The following FMN2 variants were observed in gnomAD, a reference collection of about 807,000 sequenced individuals.
FMN2 encodes the protein formin 2.
Under a neutral mutation model 142.3 loss-of-function variants are expected in FMN2, and 51 were observed. That is an observed-to-expected ratio of 0.36 (90% CI 0.29 to 0.45). The LOEUF (loss-of-function observed/expected upper bound fraction) is 0.45. FMN2 is among the 20% of genes least tolerant of loss of function. FMN2 has a pLI of 1.00. For missense variants in FMN2, 1,936 were observed against 2,122.8 expected, an observed-to-expected ratio of 0.91 and a Z score of 1.73; for synonymous variants, 882 against 869.8, an observed-to-expected ratio of 1.01 and a Z score of -0.25.
intron 3 of FMN2, among the ~76,000 whole-genome samples, chr1:240,184,609 G>C (rs7528191): frequency 2.0e-5 from 3 of 150,162 alleles, no homozygotes; most frequent in African/African-American, 7.4e-5. Flanking sequence ...ACCCTTGAGA[G>C]CTCTCTCACC....
chr1:240,177,649 C>G (rs1301340767), intron 2 of FMN2, among the ~76,000 whole-genome samples: 1 of 152,090 alleles, frequency 6.6e-6, no homozygotes, highest in African/African-American at 2.4e-5. Flanking sequence ...TGCAGGGCTA[C>G]ATAGCATCTC....
chr1:240,257,118 A>G (rs1207246988), intron 6 of FMN2, among the ~76,000 whole-genome samples: 1 of 152,154 alleles, frequency 6.6e-6, no homozygotes, highest in African/African-American at 2.4e-5. Flanking sequence ...GCTGCCCCTC[A>G]CACGATCAGG....
In FMN2 at chr1:240,104,946, A is replaced by G. The variant is rs374570741; in HGVS notation, c.1615+11222A>G. 3.2e-4 allele frequency among the ~76,000 whole-genome samples: 49 copies of G among 152,258 alleles called. No homozygotes were observed. In the East Asian group the frequency reaches 6.8e-3, roughly 21 times the overall value. The stretch of plus-strand genomic sequence containing the variant: ...TCCTGTACTTCTCGGCCACCAGAGA[A>G]AACAGTCTGATGAATATTTCCATAC... On this transcript the variant is annotated intron_variant, in intron 1 of 17. Coordinates refer to ENST00000319653, the MANE Select transcript of FMN2 (RefSeq NM_020066.5).
At chr1:240,437,487 A>G (rs927241777) in intron 15 of FMN2, among the ~76,000 whole-genome samples, 1 of 151,724 alleles carries the variant, frequency 6.6e-6, no homozygotes, top group Non-Finnish European at 1.5e-5. Flanking sequence ...TAATTTTAGT[A>G]GAGACAGGGT....
At chr1:240,224,084 A>G (rs539081845) in intron 6 of FMN2, among the ~76,000 whole-genome samples, 202 of 152,046 alleles carry the variant, frequency 1.3e-3, no homozygotes, top group Middle Eastern at 3.4e-3. Flanking sequence ...TAGAGTGTTG[A>G]TTTTAGATCT....
At chr1:240,215,297 T>G (rs1666853350) in intron 6 of FMN2, among the ~76,000 whole-genome samples, 1 of 152,214 alleles carries the variant, frequency 6.6e-6, no homozygotes, top group Admixed American at 6.5e-5. Flanking sequence ...CATGTACCAG[T>G]TACTGTTCTT....
rs187475852 is a variant in FMN2 at position 240,385,846 on chromosome 1, A to C, written c.4859-6665A>C. ...TGAGTTTTTAATAACTAGCCCCCAT[A>C]TGTTTATATACACCTATATTTCTAG... On this transcript the variant is annotated intron_variant, in intron 14 of 17. Transcript: ENST00000319653. 1.2e-3 allele frequency among the ~76,000 whole-genome samples: 186 copies of C among 152,164 alleles called. 1 individual carries two copies. Among genetic ancestry groups the C allele is most frequent in the Middle Eastern group, 3.4e-3 (1 of 294 alleles).
At position 240,208,521 on chromosome 1, in the gene FMN2, C is replaced by G. The variant is rs111521184; in HGVS notation, c.3709C>G (p.Leu1237Val). ...TGGGACAGGAATCCCACCGCCCCCT[C>G]TGCTTCCTGTATCAGGCCCTCCACT... ...PPGTGIPPPP[L>V]LPVSGPPLLP... The change falls in exon 5 of 18, where the codon CTG becomes GTG. Residue 1237 changes from leucine (L) to valine (V), a missense_variant. Physicochemically the swap from Leu to Val is conservative, Grantham distance 32. Transcript: ENST00000319653. The G allele has an allele frequency of 9.6e-4, 1,556 of 1,612,970 alleles. 13 individuals are homozygous for G. The African/African-American group carries it at 0.019, about 20-fold the overall frequency.
chr1:240,289,901 A>T (rs771539894), intron 7 of FMN2, among the ~76,000 whole-genome samples: 31 of 152,210 alleles, frequency 2.0e-4, no homozygotes, highest in Non-Finnish European at 3.8e-4. Flanking sequence ...GTAAACATTC[A>T]TACAGATAGA....
chr1:240,449,963 A>ATAT (rs927838146), intron 16 of FMN2, among the ~76,000 whole-genome samples: 1 of 152,028 alleles, frequency 6.6e-6, no homozygotes, highest in Non-Finnish European at 1.5e-5. Flanking sequence ...TGTACAATAC[A>ATAT]TATTATTATT....
intron 4 of FMN2, among the ~76,000 whole-genome samples, chr1:240,195,858 T>A (rs937500672): frequency 1.3e-5 from 2 of 151,728 alleles, no homozygotes. Flanking sequence ...TCTCTACCAA[T>A]AATAATAAAA....
At chr1:240,219,769 C>A (rs957955186) in intron 6 of FMN2, among the ~76,000 whole-genome samples, 1 of 152,136 alleles carries the variant, frequency 6.6e-6, no homozygotes, top group Admixed American at 6.5e-5. Flanking sequence ...ATCCTCTCAC[C>A]TCAGCCTCCC....
intron 1 of FMN2, among the ~76,000 whole-genome samples, chr1:240,112,622 T>A (rs1352993369): frequency 1.3e-5 from 2 of 152,236 alleles, no homozygotes; most frequent in Admixed American, 1.3e-4. Flanking sequence ...ATTTATATAC[T>A]TATAAAGTTT....
At chr1:240,123,117 T>C (rs2103218977) in intron 1 of FMN2, 62 bp from the exon 2 acceptor site, 1 of 1,589,182 alleles carries the variant, frequency 6.3e-7, no homozygotes, top group Non-Finnish European at 8.6e-7. Flanking sequence ...CGCTGTCCCC[T>C]GGCGAGTTCA....
intron 2 of FMN2, among the ~76,000 whole-genome samples, chr1:240,133,228 T>A (rs1365438579): frequency 6.6e-6 from 1 of 152,176 alleles, no homozygotes; most frequent in African/African-American, 2.4e-5. Flanking sequence ...TGCAGTTGGG[T>A]GATCACAGCT....
At chr1:240,139,460 C>T (rs529844393) in intron 2 of FMN2, among the ~76,000 whole-genome samples, 1 of 152,094 alleles carries the variant, frequency 6.6e-6, no homozygotes, top group East Asian at 1.9e-4. Flanking sequence ...ATACTTGAAG[C>T]CATTATGCTC....
At chr1:240,151,892 T>TA (rs1006252869) in intron 2 of FMN2, among the ~76,000 whole-genome samples, 5 of 152,006 alleles carry the variant, frequency 3.3e-5, no homozygotes, top group African/African-American at 1.2e-4. Flanking sequence ...TTAACCTCCC[T>TA]AGTAGCTGGG....
At chr1:240,434,156 A>G (rs1327860925) in intron 15 of FMN2, among the ~76,000 whole-genome samples, 1 of 152,150 alleles carries the variant, frequency 6.6e-6, no homozygotes, top group Admixed American at 6.5e-5. Context: ...ATAATCATGC[A>G]TTTTTTTAAA....
At chr1:240,145,240 C>A in intron 2 of FMN2, 1 of 1,481,748 alleles carries the variant, frequency 6.7e-7, no homozygotes, top group Non-Finnish European at 9.3e-7. Context: ...CTTCCTCAGA[C>A]AGCTCCTGTT....
Sources: allele counts gnomAD v4.1 joint callset (sites outside exome capture counted in the v4.1 genomes callset), GRCh38; gene constraint gnomAD v4.1.1; transcripts MANE v1.5; gene names NCBI Gene and HGNC (gene_info 2026-07-23, HGNC 2026-07-21).